The following HYDIN variants were observed in gnomAD, a reference collection of about 807,000 sequenced individuals.
HYDIN encodes axonemal central pair apparatus protein HYDIN.
A neutral mutation model predicts 403.9 loss-of-function variants in HYDIN; 132 were observed. That is an observed-to-expected ratio of 0.33 (90% CI 0.28 to 0.38). HYDIN has a LOEUF of 0.38. Ranked by LOEUF, HYDIN falls within the 10% of genes least tolerant of loss-of-function variation. The pLI is 1.00. For synonymous variants in HYDIN, 1,202 were observed against 1,891.7 expected (o/e 0.64, Z 9.46); for missense variants, 2,827 against 5,009.5 (o/e 0.56, Z 13.15).
intron 41 of HYDIN, among the ~76,000 whole-genome samples, chr16:70,951,100 T>A (rs2078053107): frequency 6.6e-6 from 1 of 152,018 alleles, no homozygotes; most frequent in Non-Finnish European, 1.5e-5. Context: ...CCAGGCATGG[T>A]GGGACATACC....
intron 42 of HYDIN, 142 bp downstream of exon 42, chr16:70,943,670 C>A: frequency 8.4e-7 from 1 of 1,187,584 alleles, no homozygotes. Context: ...TCGACAAGAG[C>A]TGTCAAAAAG....
intron 84 of HYDIN, among the ~76,000 whole-genome samples, chr16:70,813,839 G>A (rs909264726): frequency 4.4e-4 from 67 of 151,254 alleles, no homozygotes; most frequent in Admixed American, 2.1e-3. Flanking sequence ...CATAAAGCTG[G>A]AATAATTGCT....
intron 20 of HYDIN, among the ~76,000 whole-genome samples, chr16:71,025,908 C>CT (rs891213430): frequency 2.0e-4 from 29 of 147,936 alleles, no homozygotes; most frequent in African/African-American, 4.2e-4. Context: ...CTTTTTCTTC[C>CT]TTTTTTTTTT....
At chr16:71,198,157 T>C (rs970152740) in intron 1 of HYDIN, among the ~76,000 whole-genome samples, 5 of 152,268 alleles carry the variant, frequency 3.3e-5, no homozygotes, top group Admixed American at 1.3e-4. Context: ...TGTGTCTAGA[T>C]TATTTAACTC....
rs1454162792 is a variant in HYDIN, at chr16:71,019,724, C to T, written c.3330+450G>A. On this transcript the variant is annotated intron_variant, in intron 22 of 85. Transcript: ENST00000393567. ...GAAACGAGAAATTTATCCCAAATTT[C>T]ACAATACATTATTTCTCAGAGTTAT... 2.6e-5 allele frequency among the ~76,000 whole-genome samples: 4 copies of T among 152,238 alleles called. No individual in the cohort carries two copies. The East Asian group carries it at 5.8e-4, about 22-fold the overall frequency.
intron 23 of HYDIN, among the ~76,000 whole-genome samples, chr16:71,011,607 G>A (rs964027736): frequency 6.6e-6 from 1 of 151,728 alleles, no homozygotes; most frequent in Non-Finnish European, 1.5e-5. Flanking sequence ...GTATAATGGT[G>A]CACGCCTGTA....
Position 70,802,327 on chromosome 16 carries a change from A to G in HYDIN, c.*5253T>C, listed in dbSNP as rs1051229132. 6.6e-6 allele frequency: 1 copy of G among 152,232 alleles called. No homozygotes were observed. Among genetic ancestry groups the G allele is most frequent in the African/African-American group, 2.4e-5 (1 of 41,462 alleles). The allele number at this position is 152,232 out of a possible 1,614,324, so 9.4% of individuals were successfully genotyped here. On this transcript the variant is annotated 3_prime_UTR_variant, in exon 86 of 86. Coordinates refer to ENST00000393567, the MANE Select transcript of HYDIN (RefSeq NM_001270974.2). Reference sequence around the variant, plus strand: ...TATGCATCACTCACATGATTATATTATGTAATATCGCAGAAGAGATTTTGC... The same window carrying G: ...TATGCATCACTCACATGATTATATTGTGTAATATCGCAGAAGAGATTTTGC...
At chr16:70,999,029 C>T (rs541875955) in intron 23 of HYDIN, among the ~76,000 whole-genome samples, 1 of 152,186 alleles carries the variant, frequency 6.6e-6, no homozygotes, top group East Asian at 1.9e-4. Flanking sequence ...CAACTGGTCA[C>T]GTGTGCTAAG....
chr16:71,180,381 T>C lies in HYDIN; in HGVS notation c.262-1334A>G, dbSNP rs111985568. Among the ~76,000 whole-genome samples the C allele has an allele frequency of 8.5e-3, 1,293 of 152,052 alleles. 17 individuals are homozygous for C. Among genetic ancestry groups the C allele is most frequent in the African/African-American group, 0.03 (1,227 of 41,510 alleles). On this transcript the variant is annotated intron_variant, in intron 3 of 85. Transcript: ENST00000393567. ...GAAATTATATCTGTAAACAAACCCT[T>C]TTACAGAGAAAATTCCAAACCCAGA...
chr16:71,130,022 C>T (rs1165868849), intron 8 of HYDIN, among the ~76,000 whole-genome samples, 199 bp from the exon 9 acceptor site: 1 of 151,868 alleles, frequency 6.6e-6, no homozygotes, highest in Admixed American at 6.6e-5. Context: ...CATCTTCAAC[C>T]ACCTTCTTTA....
intron 57 of HYDIN, among the ~76,000 whole-genome samples, chr16:70,889,941 C>T (rs781176046): frequency 6.6e-5 from 10 of 152,092 alleles, no homozygotes; most frequent in African/African-American, 1.9e-4. Flanking sequence ...ATAGGGACAC[C>T]GAAAATTACT....
intron 7 of HYDIN, among the ~76,000 whole-genome samples, chr16:71,137,938 C>CAG (rs2084998416): frequency 2.6e-5 from 4 of 151,982 alleles, no homozygotes; most frequent in African/African-American, 9.7e-5. Flanking sequence ...CACATACACA[C>CAG]ACACACACAC....
rs1316021138 is a variant in HYDIN, at chr16:70,955,055, C to A, written c.6316+320G>T. ...TTCAAAGAAGCTGGTATTTCTGTTG[C>A]AAAATTATTTTCCTCTGCTCTGAGT... On this transcript the variant is annotated intron_variant, in intron 40 of 85. Transcript: ENST00000393567. 2.6e-5 allele frequency among the ~76,000 whole-genome samples: 4 copies of A among 152,272 alleles called. No individual in the cohort carries two copies. In the East Asian group the frequency reaches 7.7e-4, roughly 29 times the overall value.
chr16:70,891,431 TG>T (rs2041461436), intron 57 of HYDIN, among the ~76,000 whole-genome samples: 1 of 152,252 alleles, frequency 6.6e-6, no homozygotes, highest in Non-Finnish European at 1.5e-5. Context: ...TCAGGTGATC[TG>T]CCCGCCTTGG....
chr16:71,030,364 T>C (rs2080860900), intron 19 of HYDIN, among the ~76,000 whole-genome samples: 1 of 151,902 alleles, frequency 6.6e-6, no homozygotes, highest in African/African-American at 2.4e-5. Flanking sequence ...GCCCAAACCT[T>C]ATATATGTGT....
At chr16:70,902,821 A>ATTTTTTTTTTTTTTTTTTTTT (rs60618592) in intron 52 of HYDIN, among the ~76,000 whole-genome samples, 1 of 47,318 alleles carries the variant, frequency 2.1e-5, no homozygotes, top group East Asian at 5.4e-4. Context: ...ATATATATAT[A>ATTTTTTTTTTTTTTTTTTTTT]TTTTTTTTTT....
intron 75 of HYDIN, among the ~76,000 whole-genome samples, chr16:70,847,492 C>A (rs899196990): frequency 6.6e-6 from 1 of 152,064 alleles, no homozygotes; most frequent in Admixed American, 6.6e-5. Flanking sequence ...GTGATGAATT[C>A]TTTCAGGTTT....
intron 4 of HYDIN, among the ~76,000 whole-genome samples, chr16:71,178,333 C>T (rs184205283): frequency 1.1e-3 from 159 of 150,734 alleles, no homozygotes; most frequent in Non-Finnish European, 2.0e-3. Context: ...GCAGGAGAAT[C>T]GCTTGAACCC....
At chr16:71,017,211 G>T (rs1324381916) in intron 23 of HYDIN, among the ~76,000 whole-genome samples, 1 of 150,974 alleles carries the variant, frequency 6.6e-6, no homozygotes, top group Non-Finnish European at 1.5e-5. Flanking sequence ...ATTGCCAGGC[G>T]TGGTGGCAGG....
Sources: allele counts gnomAD v4.1 joint callset (sites outside exome capture counted in the v4.1 genomes callset), GRCh38; gene constraint gnomAD v4.1.1; transcripts MANE v1.5; gene names NCBI Gene and HGNC (gene_info 2026-07-23, HGNC 2026-07-21).